Variants in CAMSAP1 observed in about 807,000 individuals in gnomAD.
The protein encoded by CAMSAP1 is calmodulin-regulated spectrin-associated protein 1.
A neutral mutation model predicts 143.5 loss-of-function variants in CAMSAP1; 58 were observed. The observed-to-expected ratio is 0.40, with a 90% CI of 0.33 to 0.50. The LOEUF (loss-of-function observed/expected upper bound fraction) is 0.50. Ranked by LOEUF, CAMSAP1 falls within the 20% of genes least tolerant of loss-of-function variation. The pLI is 0.45. For missense variants in CAMSAP1, 1,969 were observed against 2,115.7 expected, an observed-to-expected ratio of 0.93 and a Z score of 1.36; for synonymous variants, 945 against 859.3, an observed-to-expected ratio of 1.10 and a Z score of -1.74.
At chr9:135,823,806 T>G in intron 10 of CAMSAP1, 144 bp downstream of exon 10, 1 of 663,550 alleles carries the variant, frequency 1.5e-6, no homozygotes, top group Non-Finnish European at 2.6e-6. Context: ...AACTTCCTAG[T>G]GTTGTTATAA....
intron 3 of CAMSAP1, among the ~76,000 whole-genome samples, chr9:135,869,521 A>C (rs537714542): frequency 8.6e-5 from 13 of 152,032 alleles, no homozygotes; most frequent in African/African-American, 2.4e-4. Flanking sequence ...AAAAAAAAAA[A>C]CAGCCAGAAA....
chr9:135,900,079 G>A (rs778696319), intron 1 of CAMSAP1, among the ~76,000 whole-genome samples: 3 of 152,176 alleles, frequency 2.0e-5, no homozygotes, highest in Non-Finnish European at 2.9e-5. Context: ...AAGCCGAAGT[G>A]CAGTGTCACA....
chr9:135,870,984 T>G (rs926695571), intron 3 of CAMSAP1, among the ~76,000 whole-genome samples: 4 of 152,218 alleles, frequency 2.6e-5, no homozygotes, highest in Non-Finnish European at 5.9e-5. Context: ...AAAAACAGAT[T>G]TGCATACTTC....
chr9:135,873,502 AT>A (rs1837633249), intron 3 of CAMSAP1, among the ~76,000 whole-genome samples: 1 of 151,564 alleles, frequency 6.6e-6, no homozygotes, highest in Non-Finnish European at 1.5e-5. Flanking sequence ...AAACTAAAAG[AT>A]TTTTTAGAAG....
rs540085298 is a variant in CAMSAP1, at chr9:135,883,105, G to A, written c.161-27C>T. The A allele has an allele frequency of 1.2e-3, 1,898 of 1,550,196 alleles. 2 individuals are homozygous for A. Among genetic ancestry groups the A allele is most frequent in the Non-Finnish European group, 1.5e-3 (1,761 of 1,146,232 alleles). On this transcript the variant is annotated intron_variant, in intron 1 of 16. Transcript: ENST00000389532. Reference sequence around the variant, plus strand: ...TAAGACAGGGAGGGGATGACCAGGTGAGTGCCACACACAAGACCCAAAGGA... The same window carrying A: ...TAAGACAGGGAGGGGATGACCAGGTAAGTGCCACACACAAGACCCAAAGGA...
chr9:135,878,730 C>T (rs1432874977), intron 3 of CAMSAP1, among the ~76,000 whole-genome samples: 3 of 152,146 alleles, frequency 2.0e-5, no homozygotes, highest in Non-Finnish European at 2.9e-5. Context: ...GCACTTCCTA[C>T]ACACCCGGGC....
At chr9:135,877,957 A>T (rs911062280) in intron 3 of CAMSAP1, among the ~76,000 whole-genome samples, 1 of 152,248 alleles carries the variant, frequency 6.6e-6, no homozygotes, top group South Asian at 2.1e-4. Context: ...TCTGGGTCAC[A>T]TACAGGATGG....
intron 3 of CAMSAP1, among the ~76,000 whole-genome samples, chr9:135,874,656 A>G (rs1352081114): frequency 6.6e-6 from 1 of 152,162 alleles, no homozygotes; most frequent in Admixed American, 6.5e-5. Flanking sequence ...CTGAGGTACT[A>G]AACAGTACAG....
At chr9:135,904,667 G>C (rs773194227) in intron 1 of CAMSAP1, among the ~76,000 whole-genome samples, 1 of 151,240 alleles carries the variant, frequency 6.6e-6, no homozygotes, top group African/African-American at 2.4e-5. Flanking sequence ...GCCCTCTCTC[G>C]GCAAAAAGAA....
intron 1 of CAMSAP1, among the ~76,000 whole-genome samples, chr9:135,896,231 C>A (rs950894119): frequency 2.0e-5 from 3 of 147,822 alleles, no homozygotes; most frequent in Non-Finnish European, 4.6e-5. Flanking sequence ...ATACGCCATT[C>A]AAACACTTTT....
Position 135,824,682 on chromosome 9 carries a change from C to CA in CAMSAP1, c.1315+106dup, listed in dbSNP as rs1835608389. ...CCATCTCAAAAAACAAACAAACAAA[C>CA]AAAAAAATCACTACATCAGATAAAA... is the stretch of plus-strand genomic sequence containing the variant. On this transcript the variant is annotated intron_variant, in intron 9 of 16. Transcript: ENST00000389532. The surrounding 1 kb of genome is among the most constrained non-coding windows in gnomAD (Gnocchi z 4.1). 4.5e-6 allele frequency: 4 copies of CA among 898,204 alleles called. No individual in the cohort carries two copies. Among genetic ancestry groups the CA allele is most frequent in the Non-Finnish European group, 6.6e-6 (4 of 609,532 alleles). 55.6% of individuals were successfully genotyped at this position (898,204 alleles called of 1,614,324 possible). A position where few individuals can be genotyped will look rare whatever the true frequency, so the allele number is the denominator to read the frequency against.
In CAMSAP1 at chr9:135,821,724, C is replaced by T. The variant is rs1391631984; in HGVS notation, c.2937G>A (p.Leu979=). ...TTGCTTTATGTTGCTGAGCAAAGGC[C>T]AGGCTCTCTTTGTCCACATCCTGTG... is the stretch of plus-strand genomic sequence containing the variant. ...HEPQDVDKES[L]AFAQQHKAKD... is the part of the protein sequence containing the mutation. Residue 979 remains leucine, a synonymous_variant, in exon 11 of 17, where the codon CTG becomes CTA. Coordinates refer to ENST00000389532, the MANE Select transcript of CAMSAP1 (RefSeq NM_015447.4). The surrounding 1 kb of genome is among the most constrained non-coding windows in gnomAD (Gnocchi z 4.6). 1.2e-6 allele frequency: 2 copies of T among 1,613,906 alleles called. No homozygotes were observed. Among genetic ancestry groups the T allele is most frequent in the African/African-American group, 2.7e-5 (2 of 74,938 alleles).
At chr9:135,879,276 G>A (rs1176521335) in intron 3 of CAMSAP1, among the ~76,000 whole-genome samples, 1 of 152,118 alleles carries the variant, frequency 6.6e-6, no homozygotes, top group Non-Finnish European at 1.5e-5. Context: ...GTTACAAGGA[G>A]ACCACCTTCT....
chr9:135,838,709 C>G (rs1222308940), intron 7 of CAMSAP1, among the ~76,000 whole-genome samples: 1 of 151,616 alleles, frequency 6.6e-6, no homozygotes, highest in African/African-American at 2.4e-5. Flanking sequence ...CACTTTCCAC[C>G]CGTTCTACAG....
intron 1 of CAMSAP1, among the ~76,000 whole-genome samples, chr9:135,894,732 C>A (rs180711526): frequency 2.6e-5 from 4 of 152,312 alleles, no homozygotes; most frequent in Admixed American, 2.6e-4. Context: ...CCCAGAGTTT[C>A]CTAACAAAAT....
intron 4 of CAMSAP1, among the ~76,000 whole-genome samples, chr9:135,863,807 G>C (rs1473788130): frequency 6.6e-6 from 1 of 152,086 alleles, no homozygotes; most frequent in Non-Finnish European, 1.5e-5. Flanking sequence ...AAACTCCACG[G>C]GTTCCAGCAT....
intron 1 of CAMSAP1, among the ~76,000 whole-genome samples, chr9:135,899,945 A>G (rs944040910): frequency 6.6e-6 from 1 of 152,148 alleles, no homozygotes; most frequent in African/African-American, 2.4e-5. Context: ...CTGTATATGC[A>G]GACACTTCCA....
Position 135,824,008 on chromosome 9 carries a change from TCAA to T in CAMSAP1, c.1339_1341del (p.Leu447del). ...CCTCGAGGCTGACCATCAACTCGGG[TCAA>T]AGAATTCGATCGATGTCGCTGATCT... On this transcript the variant is annotated inframe_deletion, in exon 10 of 17. Transcript: ENST00000389532. This position sits in a 1 kb window ranked among gnomAD's most constrained non-coding sequence, Gnocchi z 4.1. The T allele has an allele frequency of 6.3e-7, 1 of 1,587,096 alleles. No individual in the cohort carries two copies. Among genetic ancestry groups the T allele is most frequent in the Non-Finnish European group, 8.6e-7 (1 of 1,166,204 alleles).
At chr9:135,864,074 T>C (rs1368991737) in intron 4 of CAMSAP1, among the ~76,000 whole-genome samples, 1 of 152,208 alleles carries the variant, frequency 6.6e-6, no homozygotes, top group Non-Finnish European at 1.5e-5. Context: ...CCCAGGCCTT[T>C]CCACACTTCT....
Sources: allele counts gnomAD v4.1 joint callset (sites outside exome capture counted in the v4.1 genomes callset), GRCh38; gene constraint gnomAD v4.1.1; non-coding constraint Gnocchi (gnomAD v3.1); transcripts MANE v1.5; gene names NCBI Gene and HGNC (gene_info 2026-07-23, HGNC 2026-07-21).